Variants in TNR observed in about 807,000 individuals in gnomAD.
The protein encoded by TNR is tenascin R, also known as tenascin-R.
Under a neutral mutation model 150.4 loss-of-function variants are expected in TNR, and 45 were observed. The ratio of observed to expected loss-of-function variants is 0.30; its 90% CI spans 0.24 to 0.38. The LOEUF (loss-of-function observed/expected upper bound fraction) is 0.38. TNR is among the 10% of genes least tolerant of loss of function. The pLI, the probability that TNR is intolerant of heterozygous loss-of-function variation, is 1.00. For missense variants in TNR, 1,544 were observed against 1,759.1 expected (o/e 0.88, Z 2.19); for synonymous variants, 687 against 678.4 (o/e 1.01, Z -0.20).
Position 175,697,574 on chromosome 1 carries a change from A to G in TNR, c.-165+45652T>C, listed in dbSNP as rs1352687926. On this transcript the variant is annotated intron_variant, in intron 1 of 22. Transcript: ENST00000367674. Reference sequence around the variant, plus strand: ...TGCCTTCCACTTCACTCCCAGCCCCATCCTTTCCTTCTTTACTGCACTTTG... The same window carrying G: ...TGCCTTCCACTTCACTCCCAGCCCCGTCCTTTCCTTCTTTACTGCACTTTG... 2.6e-5 allele frequency among the ~76,000 whole-genome samples: 4 copies of G among 151,520 alleles called. No homozygotes were observed. In the East Asian group the frequency reaches 7.8e-4, roughly 29 times the overall value.
intron 2 of TNR, among the ~76,000 whole-genome samples, chr1:175,522,764 C>G (rs1018974381): frequency 6.6e-6 from 1 of 152,138 alleles, no homozygotes; most frequent in Non-Finnish European, 1.5e-5. Context: ...TAGGTCCACA[C>G]ATAAAGAAAC....
chr1:175,537,086 AG>A (rs1489262545), intron 1 of TNR, among the ~76,000 whole-genome samples: 1 of 152,222 alleles, frequency 6.6e-6, no homozygotes, highest in Non-Finnish European at 1.5e-5. Flanking sequence ...TTTCATTACC[AG>A]GAGGCTTTGG....
intron 2 of TNR, among the ~76,000 whole-genome samples, chr1:175,470,228 G>A (rs1382811254): frequency 6.6e-6 from 1 of 152,156 alleles, no homozygotes; most frequent in East Asian, 1.9e-4. Context: ...CAGTGTAAAG[G>A]TGACAGTTGG....
chr1:175,333,943 G>C (rs974861171), intron 20 of TNR, among the ~76,000 whole-genome samples: 4 of 152,188 alleles, frequency 2.6e-5, no homozygotes, highest in African/African-American at 9.7e-5. Flanking sequence ...CGGGGGTTTT[G>C]CATGTGTGGA....
intron 2 of TNR, among the ~76,000 whole-genome samples, chr1:175,436,333 G>A (rs1352145258): frequency 2.4e-4 from 36 of 152,100 alleles, no homozygotes; most frequent in African/African-American, 8.5e-4. Flanking sequence ...GGCTTTGTTT[G>A]TTTCTCTTTA....
intron 2 of TNR, among the ~76,000 whole-genome samples, chr1:175,415,486 C>T (rs1187046100): frequency 6.6e-6 from 1 of 152,230 alleles, no homozygotes; most frequent in Non-Finnish European, 1.5e-5. Context: ...GTGCTGCCTC[C>T]CACTAGGCGC....
At chr1:175,538,974 G>C (rs1170477186) in intron 1 of TNR, 1 of 152,246 alleles carries the variant, frequency 6.6e-6, no homozygotes, top group African/African-American at 2.4e-5. Context: ...TGGGGGAAGA[G>C]AAAACCATGC....
intron 2 of TNR, among the ~76,000 whole-genome samples, chr1:175,455,420 T>C (rs1377400673): frequency 6.6e-6 from 1 of 152,266 alleles, no homozygotes; most frequent in Non-Finnish European, 1.5e-5. Context: ...ATCTAGCTTC[T>C]TATAGGGCCC....
rs913503707 is a variant in TNR at position 175,741,409 on chromosome 1, G to A, written c.-165+1817C>T. On this transcript the variant is annotated intron_variant, in intron 1 of 22. Transcript: ENST00000367674. ...GACTTCAGTAATAAACTGTGGTTTT[G>A]GACAGGGTCCACTGCAAGGGCATAA... Among the ~76,000 whole-genome samples, 6 of 152,226 alleles carry A rather than the reference G, an allele frequency of 3.9e-5. No homozygotes were observed. The Middle Eastern group carries it at 0.02, about 518-fold the overall frequency.
At chr1:175,584,707 G>T (rs1057064055) in intron 1 of TNR, among the ~76,000 whole-genome samples, 8 of 152,038 alleles carry the variant, frequency 5.3e-5, no homozygotes, top group African/African-American at 1.7e-4. Context: ...AGATAACCTT[G>T]GTTGGTACCA....
At chr1:175,424,446 G>C (rs1299162392) in intron 2 of TNR, among the ~76,000 whole-genome samples, 1 of 152,208 alleles carries the variant, frequency 6.6e-6, no homozygotes, top group Non-Finnish European at 1.5e-5. Flanking sequence ...TGTTGACGAG[G>C]TGACCAGCTT....
intron 2 of TNR, among the ~76,000 whole-genome samples, chr1:175,428,596 G>A (rs1206159015): frequency 7.2e-5 from 11 of 152,052 alleles, no homozygotes; most frequent in Non-Finnish European, 1.0e-4. Context: ...TAAATTGTTC[G>A]AGATTACACA....
At chr1:175,641,988 C>A (rs865893538) in intron 1 of TNR, among the ~76,000 whole-genome samples, 23 of 152,244 alleles carry the variant, frequency 1.5e-4, no homozygotes, top group South Asian at 8.3e-4. Context: ...ATTAATAAAA[C>A]CCTGTCCCTG....
At chr1:175,417,147 A>C (rs1227748884) in intron 2 of TNR, among the ~76,000 whole-genome samples, 1 of 152,208 alleles carries the variant, frequency 6.6e-6, no homozygotes, top group Non-Finnish European at 1.5e-5. Flanking sequence ...ATACACACGA[A>C]ACTGAAGAAC....
At chr1:175,697,793 C>T (rs565256244) in intron 1 of TNR, among the ~76,000 whole-genome samples, 2 of 152,362 alleles carry the variant, frequency 1.3e-5, no homozygotes, top group East Asian at 3.9e-4. Flanking sequence ...AGTCCCCCCA[C>T]ATGTCAGGCC....
At chr1:175,608,121 C>T (rs1322674253) in intron 1 of TNR, among the ~76,000 whole-genome samples, 2 of 152,192 alleles carry the variant, frequency 1.3e-5, no homozygotes, top group African/African-American at 2.4e-5. Flanking sequence ...TTTGTCATTC[C>T]TATTTTCAAG....
chr1:175,735,803 A>C (rs941774444), intron 1 of TNR, among the ~76,000 whole-genome samples: 1 of 152,204 alleles, frequency 6.6e-6, no homozygotes, highest in Non-Finnish European at 1.5e-5. Context: ...CCAAGTGTTC[A>C]TGGTCTCTGG....
intron 1 of TNR, among the ~76,000 whole-genome samples, chr1:175,606,520 A>G (rs1214852206): frequency 6.6e-6 from 1 of 152,178 alleles, no homozygotes; most frequent in Non-Finnish European, 1.5e-5. Flanking sequence ...TTTGGAAAGT[A>G]CTTTAACCTC....
At chr1:175,334,325 A>G (rs1044727813) in intron 20 of TNR, among the ~76,000 whole-genome samples, 12 of 152,206 alleles carry the variant, frequency 7.9e-5, no homozygotes, top group Admixed American at 7.8e-4. Context: ...CAAGGATGAT[A>G]ATAGTCCTCC....
Sources: allele counts gnomAD v4.1 joint callset (sites outside exome capture counted in the v4.1 genomes callset), GRCh38; gene constraint gnomAD v4.1.1; transcripts MANE v1.5; gene names NCBI Gene and HGNC (gene_info 2026-07-23, HGNC 2026-07-21).